Variants in SIN3B observed in about 807,000 individuals in gnomAD.
SIN3B encodes the protein paired amphipathic helix protein Sin3b.
Under a neutral mutation model 120.2 loss-of-function variants are expected in SIN3B, and 19 were observed. That is an observed-to-expected ratio of 0.16 (90% CI 0.11 to 0.23). The LOEUF is 0.23. Ranked by LOEUF, SIN3B falls within the 10% of genes least tolerant of loss-of-function variation. SIN3B has a pLI of 1.00. For synonymous variants in SIN3B, 654 were observed against 653.2 expected (o/e 1.00, Z -0.02); for missense variants, 1,073 against 1,573.0 (o/e 0.68, Z 5.38).
At position 16,853,136 on chromosome 19, in the gene SIN3B, A is replaced by G; in HGVS notation, c.917A>G (p.Gln306Arg). 13 of 1,614,192 alleles carry G rather than the reference A, an allele frequency of 8.1e-6. No individual in the cohort carries two copies. The highest frequency in any genetic ancestry group is 1.1e-5 in the Non-Finnish European group (13 of 1,180,006). Residue 306 changes from glutamine (Q) to arginine (R), a missense_variant, in exon 7 of 19, where the codon CAG (glutamine) becomes CGG (arginine). Coordinates refer to ENST00000248054, the MANE Select transcript of SIN3B (RefSeq NM_001297595.2). ...GCAGTGGGGAAGTACGGGACTCTGCAGGAATTTTCTTTCTTTGACAAGGTG... is the reference window on the plus strand; with the variant it reads ...GCAGTGGGGAAGTACGGGACTCTGCGGGAATTTTCTTTCTTTGACAAGGTG... ...IAAVGKYGTL[Q>R]EFSFFDKVRR... is the part of the protein sequence containing the mutation.
chr19:16,845,921 G>A lies in SIN3B; in HGVS notation c.583-1049G>A, dbSNP rs145896248. 7.7e-3 allele frequency among the ~76,000 whole-genome samples: 1,171 copies of A among 152,116 alleles called. 12 individuals carry two copies. Among genetic ancestry groups the A allele is most frequent in the African/African-American group, 0.027 (1,116 of 41,500 alleles). On this transcript the variant is annotated intron_variant, in intron 4 of 18. Transcript: ENST00000248054. ...AACAAATTTTTTTAATCATTTCTCA[G>A]CATTTTGGCTAAGATCAAGTGTAAA...
At chr19:16,857,301 G>A in intron 8 of SIN3B, among the ~76,000 whole-genome samples, 1 of 152,100 alleles carries the variant, frequency 6.6e-6, no homozygotes, top group East Asian at 1.9e-4. Flanking sequence ...CGATTCTGAT[G>A]TTCTGTTTAG....
At chr19:16,855,494 G>A (rs1971603378) in intron 8 of SIN3B, 1 of 151,856 alleles carries the variant, frequency 6.6e-6, no homozygotes, top group African/African-American at 2.4e-5. Flanking sequence ...GCCGAGGTGA[G>A]CAGATTGCCT....
chr19:16,829,429 C>T lies in SIN3B; in HGVS notation c.9C>T (p.His3=), dbSNP rs918594935. ...CAGCTCCGACTTCGGACATGGCGCACGCTGGCGGTGGCAGCGGTGGCAGCG... is the reference window on the plus strand; with the variant it reads ...CAGCTCCGACTTCGGACATGGCGCATGCTGGCGGTGGCAGCGGTGGCAGCG... MA[H]AGGGSGGSGA... The change falls in exon 1 of 19, where the codon CAC becomes CAT. Residue 3 remains histidine, a synonymous_variant. Coordinates refer to ENST00000248054, the MANE Select transcript of SIN3B (RefSeq NM_001297595.2). 3 of 1,206,294 alleles carry T rather than the reference C, an allele frequency of 2.5e-6. No homozygotes were observed. Among genetic ancestry groups the T allele is most frequent in the African/African-American group, 1.6e-5 (1 of 63,462 alleles). 74.7% of individuals were successfully genotyped at this position (1,206,294 alleles called of 1,614,324 possible). A position where few individuals can be genotyped will look rare whatever the true frequency, so the allele number is the denominator to read the frequency against.
At chr19:16,848,398 A>G (rs1971504620) in intron 5 of SIN3B, among the ~76,000 whole-genome samples, 1 of 139,198 alleles carries the variant, frequency 7.2e-6, no homozygotes, top group African/African-American at 2.7e-5. Flanking sequence ...GTCTCTCCAC[A>G]TGTTGGCCAA....
intron 7 of SIN3B, among the ~76,000 whole-genome samples, chr19:16,853,360 G>C (rs138160277): frequency 1.4e-3 from 213 of 152,386 alleles, no homozygotes; most frequent in African/African-American, 4.8e-3. Context: ...ACTGTGGGCA[G>C]GAGTCCCAGT....
At chr19:16,866,902 G>A (rs551226463) in intron 12 of SIN3B, among the ~76,000 whole-genome samples, 301 of 152,246 alleles carry the variant, frequency 2.0e-3, no homozygotes, top group African/African-American at 7.0e-3. Context: ...GACTACAGGC[G>A]CACACCACCA....
intron 10 of SIN3B, 64 bp downstream of exon 10, chr19:16,863,860 C>G: frequency 8.9e-7 from 1 of 1,118,264 alleles, no homozygotes; most frequent in Non-Finnish European, 1.4e-6. Flanking sequence ...ATGGGACATG[C>G]ATCCTGATCC....
At chr19:16,841,682 C>A in intron 3 of SIN3B, 86 bp from the exon 4 acceptor site, 1 of 1,286,624 alleles carries the variant, frequency 7.8e-7, no homozygotes, top group Non-Finnish European at 1.1e-6. Context: ...TTTTTCTGTT[C>A]CTGTGCAGAC....
At chr19:16,831,149 G>A (rs188230726) in intron 2 of SIN3B, among the ~76,000 whole-genome samples, 4 of 151,106 alleles carry the variant, frequency 2.6e-5, no homozygotes, top group Admixed American at 6.6e-5. Context: ...TGCAGCCTCC[G>A]CCTCCCGGGT....
chr19:16,859,216 A>C (rs2144605168), intron 8 of SIN3B, among the ~76,000 whole-genome samples: 1 of 152,266 alleles, frequency 6.6e-6, no homozygotes, highest in South Asian at 2.1e-4. Flanking sequence ...AAGCACTCAT[A>C]GGTGAGCTTA....
At chr19:16,842,749 A>G (rs1443459269) in intron 4 of SIN3B, among the ~76,000 whole-genome samples, 1 of 152,162 alleles carries the variant, frequency 6.6e-6, no homozygotes, top group Non-Finnish European at 1.5e-5. Context: ...TGGGGTGGAA[A>G]AGAAAGGATG....
intron 8 of SIN3B, among the ~76,000 whole-genome samples, chr19:16,861,536 G>A (rs1971687795): frequency 6.6e-6 from 1 of 152,174 alleles, no homozygotes; most frequent in African/African-American, 2.4e-5. Context: ...GCCGAGGCGG[G>A]TGAATCACCG....
Position 16,878,229 on chromosome 19 carries a change from G to A in SIN3B, c.3001G>A (p.Ala1001Thr). Residue 1001 changes from alanine to threonine, a missense_variant, in exon 18 of 19, where the codon GCC (alanine) becomes ACC (threonine). This residue lies in a region of SIN3B where 311 missense variants were observed against 400.3 expected (regional missense o/e 0.78). Transcript: ENST00000248054. Reference sequence around the variant, plus strand: ...CCGGTGGCAGAGCGAGCAGGCGCGGGCCCTGCGCGGTGAGGCCAGGAGCTC... The same window carrying A: ...CCGGTGGCAGAGCGAGCAGGCGCGGACCCTGCGCGGTGAGGCCAGGAGCTC... The part of the protein sequence containing the change: ...RRRWQSEQAR[A>T]LRGEARSSWK... 6.3e-7 allele frequency: 1 copy of A among 1,597,808 alleles called. No homozygotes were observed. The highest frequency in any genetic ancestry group is 8.5e-7 in the Non-Finnish European group (1 of 1,172,378).
At chr19:16,873,039 G>C (rs1202722749) in intron 14 of SIN3B, among the ~76,000 whole-genome samples, 1 of 152,106 alleles carries the variant, frequency 6.6e-6, no homozygotes, top group African/African-American at 2.4e-5. Flanking sequence ...TCCGTTTCCT[G>C]GGTCACTCGT....
At chr19:16,877,334 G>A in intron 16 of SIN3B, 1 of 566,296 alleles carries the variant, frequency 1.8e-6, no homozygotes, top group South Asian at 2.1e-5. Context: ...TGGCCTGGTT[G>A]TGTGAGTCCC....
chr19:16,841,086 G>C (rs1354608134), intron 3 of SIN3B, among the ~76,000 whole-genome samples: 1 of 152,098 alleles, frequency 6.6e-6, no homozygotes, highest in Non-Finnish European at 1.5e-5. Context: ...CCTCCTCTGG[G>C]GGAGTGGTCC....
intron 12 of SIN3B, among the ~76,000 whole-genome samples, chr19:16,868,087 T>G (rs998674253): frequency 1.3e-5 from 2 of 152,126 alleles, no homozygotes; most frequent in African/African-American, 4.8e-5. Flanking sequence ...ATCACGTGAT[T>G]TACAAAGCAT....
At chr19:16,861,741 C>G (rs370744296) in intron 8 of SIN3B, among the ~76,000 whole-genome samples, 1 of 140,808 alleles carries the variant, frequency 7.1e-6, no homozygotes, top group African/African-American at 2.7e-5. Flanking sequence ...CCAGCCTGGG[C>G]GACAAGAGTG....
Sources: gnomAD v4.1 joint callset for allele counts (sites outside exome capture counted in the v4.1 genomes callset) on GRCh38, gnomAD v4.1.1 for gene constraint, gnomAD v4.1.1 regional missense constraint, MANE v1.5 for transcripts, NCBI Gene and HGNC (gene_info 2026-07-23, HGNC 2026-07-21) for gene names.